ALDH1L1: variants seen among roughly 807,000 people sequenced by gnomAD.
ALDH1L1 encodes the protein aldehyde dehydrogenase 1 family member L1.
A neutral mutation model predicts 101.1 loss-of-function variants in ALDH1L1; 68 were observed. That is an observed-to-expected ratio of 0.67 (90% CI 0.55 to 0.82). ALDH1L1 has a LOEUF of 0.82. Among genes scored for constraint, ALDH1L1 ranks in the 40% least tolerant of loss-of-function variants. The pLI is 0.00. For synonymous variants in ALDH1L1, 486 were observed against 470.8 expected (o/e 1.03, Z -0.42); for missense variants, 1,087 against 1,172.7 (o/e 0.93, Z 1.07).
At chr3:126,155,090 T>A (rs1279249612) in intron 5 of ALDH1L1, among the ~76,000 whole-genome samples, 8 of 152,186 alleles carry the variant, frequency 5.3e-5, no homozygotes, top group Non-Finnish European at 4.4e-5. Context: ...CCTTGAAGAC[T>A]GCTCGCACTA....
At chr3:126,118,233 G>A in intron 16 of ALDH1L1, 135 bp from the exon 17 acceptor site, 1 of 705,120 alleles carries the variant, frequency 1.4e-6, no homozygotes, top group Non-Finnish European at 2.5e-6. Flanking sequence ...GATCCCCATG[G>A]TGCCTGGGGC....
At chr3:126,147,001 T>G in intron 8 of ALDH1L1, 75 bp from the exon 9 acceptor site, 2 of 1,404,736 alleles carry the variant, frequency 1.4e-6, no homozygotes, top group Non-Finnish European at 2.0e-6. Context: ...CAACAACCCC[T>G]GAACAGACTC....
At position 126,162,511 on chromosome 3, in the gene ALDH1L1, T is replaced by C. The variant is rs548869591; in HGVS notation, c.-23-1509A>G. On this transcript the variant is annotated intron_variant, in intron 1 of 22. Transcript: ENST00000393434. ...CAAATCTTTTGTCTGTTTTTTTCCA[T>C]TGGGTGGTTTTATTCTTATTGAAAA... Among the ~76,000 whole-genome samples, 5 of 152,310 alleles carry C rather than the reference T, an allele frequency of 3.3e-5. No homozygotes were observed. The South Asian group carries it at 6.2e-4, about 19-fold the overall frequency.
rs745759751 is a variant in ALDH1L1 at position 126,153,567 on chromosome 3, GA to G, written c.734del (p.Phe245SerfsTer5). The G allele has an allele frequency of 2.2e-5, 35 of 1,610,956 alleles. No homozygotes were observed. Among genetic ancestry groups the G allele is most frequent in the Non-Finnish European group, 2.9e-5 (34 of 1,178,570 alleles). On this transcript the variant is annotated frameshift_variant, in exon 7 of 23. Transcript: ENST00000393434. LOFTEE classifies it high-confidence loss of function. ...TEACEQKLTF[F>X]NSTLNTSGLV... ...GGCCTGAAGTGTTCAGCGTTGAGTT[GA>G]AAAATGTCAGTTTCTGTCAAGGGGA... is the stretch of plus-strand genomic sequence containing the variant.
intron 9 of ALDH1L1, among the ~76,000 whole-genome samples, chr3:126,142,686 C>T (rs2080589948): frequency 6.6e-6 from 1 of 152,196 alleles, no homozygotes; most frequent in African/African-American, 2.4e-5. Context: ...TAGAAGGGAA[C>T]ATCCTTTATA....
intron 4 of ALDH1L1, chr3:126,156,559 G>A (rs4646706): frequency 6.6e-6 from 1 of 152,150 alleles, no homozygotes; most frequent in African/African-American, 2.4e-5. Context: ...GCCTGTCCTC[G>A]GGCAGGGGCA....
chr3:126,158,288 C>T, intron 3 of ALDH1L1, 117 bp downstream of exon 3: 1 of 1,006,010 alleles, frequency 9.9e-7, no homozygotes, highest in Non-Finnish European at 1.5e-6. Context: ...AGGACAGGCA[C>T]CTGCACGATG....
intron 19 of ALDH1L1, chr3:126,110,388 CG>C (rs1234499348): frequency 4.2e-6 from 2 of 476,344 alleles, no homozygotes; most frequent in African/African-American, 3.9e-5. Flanking sequence ...GGACAGAGGC[CG>C]GCATATTTGA....
At chr3:126,187,734 GA>G (rs1207640186) in intron 1 of ALDH1L1, among the ~76,000 whole-genome samples, 3 of 152,152 alleles carry the variant, frequency 2.0e-5, no homozygotes, top group African/African-American at 7.2e-5. Context: ...GCTGGACGAG[GA>G]AAATGCTGGT....
intron 12 of ALDH1L1, among the ~76,000 whole-genome samples, 169 bp from the exon 13 acceptor site, chr3:126,131,703 A>G (rs1349581161): frequency 6.6e-6 from 1 of 151,772 alleles, no homozygotes; most frequent in Admixed American, 6.6e-5. Flanking sequence ...AGCACCGTTT[A>G]CTCCACCGGA....
At chr3:126,118,186 G>T in intron 16 of ALDH1L1, 88 bp from the exon 17 acceptor site, 1 of 1,038,382 alleles carries the variant, frequency 9.6e-7, no homozygotes, top group Non-Finnish European at 1.5e-6. Flanking sequence ...CAGGTTCACT[G>T]GGGGTCTGAG....
chr3:126,107,891 G>A (rs1024285602), intron 20 of ALDH1L1: 20 of 152,630 alleles, frequency 1.3e-4, no homozygotes, highest in African/African-American at 3.9e-4. Flanking sequence ...TAGAGACAGA[G>A]CCCTAAGACC....
chr3:126,117,089 T>A (rs1370806221), intron 17 of ALDH1L1, among the ~76,000 whole-genome samples: 5 of 151,396 alleles, frequency 3.3e-5, no homozygotes, highest in Admixed American at 6.6e-5. Flanking sequence ...ACAAAAAATT[T>A]AAAAACTTAT....
intron 12 of ALDH1L1, among the ~76,000 whole-genome samples, chr3:126,132,295 G>A (rs554736701): frequency 6.6e-5 from 10 of 152,266 alleles, no homozygotes; most frequent in African/African-American, 1.9e-4. Context: ...CCTGCCAGCC[G>A]TTTCCCACAC....
chr3:126,180,719 C>T (rs2081461468), upstream of ALDH1L1: 10 of 1,401,020 alleles, frequency 7.1e-6, no homozygotes, highest in Non-Finnish European at 8.3e-6. Context: ...CGCACCCTCT[C>T]CGGGCGGGTC....
chr3:126,159,125 G>A (rs2080984802), intron 2 of ALDH1L1, among the ~76,000 whole-genome samples: 2 of 152,166 alleles, frequency 1.3e-5, no homozygotes, highest in Non-Finnish European at 2.9e-5. Context: ...CCCCAGCCCA[G>A]CTTCTTCATC....
Position 126,150,426 on chromosome 3 carries a change from C to T in ALDH1L1, c.964G>A (p.Val322Ile), listed in dbSNP as rs1477532031. The T allele has an allele frequency of 1.9e-6, 3 of 1,551,526 alleles. No homozygotes were observed. Among genetic ancestry groups the T allele is most frequent in the Non-Finnish European group, 2.6e-6 (3 of 1,146,918 alleles). The part of the protein sequence containing the change: ...SVLELTEAEL[V>I]TAEAVRSVWQ... ...CTTACCCGCACAGCCTCCGCAGTAA[C>T]CAGCTCTGCCTCTGTCAGCTCAAGG... The change falls in exon 8 of 23, where the codon GTT becomes ATT. Residue 322 changes from valine (V) to isoleucine (I), a missense_variant. Physicochemically the swap from Val to Ile is conservative, Grantham distance 29. This residue lies in a region of ALDH1L1 where 645 missense variants were observed against 637.0 expected (regional missense o/e 1.01). Transcript: ENST00000393434.
intron 10 of ALDH1L1, among the ~76,000 whole-genome samples, chr3:126,137,234 TCCTC>T (rs1455063794): frequency 1.3e-5 from 2 of 152,118 alleles, no homozygotes; most frequent in African/African-American, 4.8e-5. Context: ...GATTGGCAAT[TCCTC>T]CCTGAACCCA....
upstream of ALDH1L1, among the ~76,000 whole-genome samples, chr3:126,185,633 T>C (rs1258395842): frequency 6.6e-6 from 1 of 150,896 alleles, no homozygotes; most frequent in Non-Finnish European, 1.5e-5. Flanking sequence ...GGAGAAAGCA[T>C]TGCAGCTGCA....
Sources: gnomAD v4.1 joint callset for allele counts (sites outside exome capture counted in the v4.1 genomes callset) on GRCh38, gnomAD v4.1.1 for gene constraint, gnomAD v4.1.1 regional missense constraint, MANE v1.5 for transcripts, NCBI Gene and HGNC (gene_info 2026-07-23, HGNC 2026-07-21) for gene names.